MRTFB: variants seen among roughly 807,000 people sequenced by gnomAD.
MRTFB encodes myocardin-related transcription factor B.
In MRTFB, 29 loss-of-function variants were observed where a neutral mutation model predicts 104.2. That is an observed-to-expected ratio of 0.28 (90% CI 0.21 to 0.38). The LOEUF (loss-of-function observed/expected upper bound fraction) is 0.38. Ranked by LOEUF, MRTFB falls within the 10% of genes least tolerant of loss-of-function variation. The pLI is 1.00. For missense variants in MRTFB, 1,270 were observed against 1,341.6 expected (o/e 0.95, Z 0.83); for synonymous variants, 535 against 519.5 (o/e 1.03, Z -0.41).
intron 2 of MRTFB, among the ~76,000 whole-genome samples, chr16:14,083,652 A>C (rs552570959): frequency 4.3e-4 from 65 of 152,094 alleles, no homozygotes; most frequent in Non-Finnish European, 8.4e-4. Context: ...GGAGTGGGTG[A>C]CGCGGGTAAT....
rs2039616670 is a variant in MRTFB at position 14,177,311 on chromosome 16, C to CAT, written c.155-32930_155-32929dup. ...ATAGAGGCAGCATTAATTAAGCAGG[C>CAT]ATAGTATCCAAGGCATTGGGACTGC... is the stretch of plus-strand genomic sequence containing the variant. On this transcript the variant is annotated intron_variant, in intron 3 of 16. Transcript: ENST00000571589. The surrounding 1 kb of genome is among the most constrained non-coding windows in gnomAD (Gnocchi z 4.7). Among the ~76,000 whole-genome samples the CAT allele has an allele frequency of 6.6e-6, 1 of 152,116 alleles. No individual in the cohort carries two copies. The highest frequency in any genetic ancestry group is 6.5e-5 in the Admixed American group (1 of 15,272).
intron 3 of MRTFB, among the ~76,000 whole-genome samples, chr16:14,159,379 A>T (rs2038945526): frequency 6.6e-6 from 1 of 152,176 alleles, no homozygotes; most frequent in Admixed American, 6.5e-5. Flanking sequence ...CTAGTAGAAG[A>T]TGTCCAAATA....
the MRTFB span, among the ~76,000 whole-genome samples, chr16:14,031,923 T>C: frequency 6.6e-6 from 1 of 152,326 alleles, no homozygotes; most frequent in Admixed American, 6.5e-5. Flanking sequence ...TTCTCTTGCC[T>C]CAGCCTCTCA....
chr16:13,998,492 A>T, the MRTFB span, among the ~76,000 whole-genome samples: 5 of 152,104 alleles, frequency 3.3e-5, no homozygotes, highest in East Asian at 1.9e-4. Context: ...AAAAATTTTT[A>T]AAAATTAGCT....
In MRTFB at chr16:14,218,862, C is replaced by T; in HGVS notation, c.557C>T (p.Ser186Leu). Residue 186 changes from serine (S) to leucine (L), a missense_variant, in exon 8 of 17, where the codon TCA becomes TTA. Physicochemically the swap from Ser to Leu is moderately radical, Grantham distance 145. This residue lies in a region of MRTFB where 1,144 missense variants were observed against 1,131.5 expected (regional missense o/e 1.01). Coordinates refer to ENST00000571589, the MANE Select transcript of MRTFB (RefSeq NM_001308142.2). Reference sequence around the variant, plus strand: ...TATCCCCACACTCAGGGCGATTTCTCATTTGATGAAGACAGCAGTGACGCT... The same window carrying T: ...TATCCCCACACTCAGGGCGATTTCTTATTTGATGAAGACAGCAGTGACGCT... ...EDYPHTQGDF[S>L]FDEDSSDALS... 6.2e-7 allele frequency: 1 copy of T among 1,613,398 alleles called. No homozygotes were observed. The highest frequency in any genetic ancestry group is 8.5e-7 in the Non-Finnish European group (1 of 1,179,628).
the MRTFB span, among the ~76,000 whole-genome samples, chr16:14,059,567 G>A: frequency 6.6e-6 from 1 of 152,164 alleles, no homozygotes; most frequent in African/African-American, 2.4e-5. Flanking sequence ...CAGTCGGCAG[G>A]TGCAAGGCCA....
chr16:14,207,009 G>A lies in MRTFB; in HGVS notation c.155-3234G>A, dbSNP rs188269538. ...CAATTCTGCCTCCCCTTCCATTCATGTTCTTCCTAACGTCGCTTAAAAAAG... is the reference window on the plus strand; with the variant it reads ...CAATTCTGCCTCCCCTTCCATTCATATTCTTCCTAACGTCGCTTAAAAAAG... On this transcript the variant is annotated intron_variant, in intron 3 of 16. Transcript: ENST00000571589. Among the ~76,000 whole-genome samples, 104 of 151,302 alleles carry A rather than the reference G, an allele frequency of 6.9e-4. 1 individual carries two copies. In the Middle Eastern group the frequency reaches 0.01, roughly 15 times the overall value.
Position 14,212,288 on chromosome 16 carries a change from A to G in MRTFB, c.221-66A>G, listed in dbSNP as rs142397527. 406 of 1,474,906 alleles carry G rather than the reference A, an allele frequency of 2.8e-4. No homozygotes were observed. In the African/African-American group the frequency reaches 4.8e-3, roughly 17 times the overall value. The allele number at this position is 1,474,906 out of a possible 1,614,324, so 91.4% of individuals were successfully genotyped here. A position where few individuals can be genotyped will look rare whatever the true frequency, so the allele number is the denominator to read the frequency against. ...TTAATAATAGGGTTATCACCATGGT[A>G]TACTATAACATTGGACTGAAGTATG... is the stretch of plus-strand genomic sequence containing the variant. On this transcript the variant is annotated intron_variant, in intron 4 of 16. Coordinates refer to ENST00000571589, the MANE Select transcript of MRTFB (RefSeq NM_001308142.2).
chr16:14,145,014 C>G (rs2038235651), intron 3 of MRTFB, among the ~76,000 whole-genome samples: 1 of 144,172 alleles, frequency 6.9e-6, no homozygotes, highest in African/African-American at 2.5e-5. Flanking sequence ...ATATATATAA[C>G]TTTTGTCAGT....
chr16:14,131,797 T>C (rs2037455423), intron 2 of MRTFB, among the ~76,000 whole-genome samples: 1 of 150,108 alleles, frequency 6.7e-6, no homozygotes, highest in South Asian at 2.1e-4. Context: ...AAAGAGAGAA[T>C]GTGGAGAAGT....
the MRTFB span, among the ~76,000 whole-genome samples, chr16:14,045,494 G>A: frequency 2.0e-5 from 3 of 152,150 alleles, no homozygotes; most frequent in Non-Finnish European, 2.9e-5. Context: ...ACATATATCA[G>A]CAGATATTCG....
chr16:14,070,400 A>T (rs933059292), upstream of MRTFB, among the ~76,000 whole-genome samples: 1 of 152,206 alleles, frequency 6.6e-6, no homozygotes, highest in African/African-American at 2.4e-5. Flanking sequence ...CCTGGGAAGA[A>T]GTCACACTTT....
the MRTFB span, among the ~76,000 whole-genome samples, chr16:14,062,176 T>C: frequency 6.6e-6 from 1 of 152,186 alleles, no homozygotes; most frequent in Admixed American, 6.5e-5. Flanking sequence ...CACTGCAGCC[T>C]CAACCTTCCA....
chr16:14,041,371 C>T, the MRTFB span, among the ~76,000 whole-genome samples: 2 of 152,116 alleles, frequency 1.3e-5, no homozygotes, highest in African/African-American at 2.4e-5. Flanking sequence ...CCCCGGCAAC[C>T]GCAATTATTT....
intron 2 of MRTFB, among the ~76,000 whole-genome samples, chr16:14,133,225 A>G (rs1320308273): frequency 6.6e-6 from 1 of 152,244 alleles, no homozygotes; most frequent in African/African-American, 2.4e-5. Flanking sequence ...ACCCTGTATC[A>G]GAAGGCTGGC....
intron 1 of MRTFB, among the ~76,000 whole-genome samples, 160 bp downstream of exon 1, chr16:14,071,525 T>C (rs2033688797): frequency 6.8e-6 from 1 of 147,214 alleles, no homozygotes; most frequent in Admixed American, 6.7e-5. Flanking sequence ...GTCCGCACCG[T>C]CCCCGGGACT....
chr16:14,206,644 C>T (rs1013572999), intron 3 of MRTFB, among the ~76,000 whole-genome samples: 15 of 152,190 alleles, frequency 9.9e-5, no homozygotes, highest in African/African-American at 2.9e-4. Flanking sequence ...TGGGTTCAAA[C>T]GATTCTTCTG....
intron 1 of MRTFB, among the ~76,000 whole-genome samples, chr16:14,073,417 C>T (rs2033853271): frequency 1.3e-5 from 2 of 152,172 alleles, no homozygotes; most frequent in South Asian, 2.1e-4. Flanking sequence ...GTTATCTAGT[C>T]AATTATAATA....
At chr16:14,230,987 C>T (rs1377564966) in intron 8 of MRTFB, among the ~76,000 whole-genome samples, 1 of 151,642 alleles carries the variant, frequency 6.6e-6, no homozygotes, top group Admixed American at 6.6e-5. Context: ...TTTGTAGGGA[C>T]ATGGATGAAA....
Sources: allele counts gnomAD v4.1 joint callset (sites outside exome capture counted in the v4.1 genomes callset), GRCh38; gene constraint gnomAD v4.1.1; regional missense constraint gnomAD v4.1.1; non-coding constraint Gnocchi (gnomAD v3.1); transcripts MANE v1.5; gene names NCBI Gene and HGNC (gene_info 2026-07-23, HGNC 2026-07-21).